Variants in NEBL observed in about 807,000 individuals in gnomAD.
NEBL encodes nebulette, also known as LIM and SH3 protein 2.
NEBL carries 122 observed loss-of-function variants against 140.2 expected under a neutral mutation model. That is an observed-to-expected ratio of 0.87 (90% CI 0.75 to 1.01). The LOEUF is 1.01. NEBL is among the 50% of genes least tolerant of loss of function. The pLI is 0.00. For synonymous variants in NEBL, 436 were observed against 398.9 expected (o/e 1.09, Z -1.11); for missense variants, 1,365 against 1,231.3 (o/e 1.11, Z -1.62).
chr10:21,051,549 G>A (rs1834780437), intron 2 of NEBL, among the ~76,000 whole-genome samples: 1 of 152,110 alleles, frequency 6.6e-6, no homozygotes, highest in African/African-American at 2.4e-5. Flanking sequence ...GTGTGACACT[G>A]CAAGTAATCA....
chr10:21,140,045 C>T (rs577252109), intron 2 of NEBL, among the ~76,000 whole-genome samples: 2 of 151,680 alleles, frequency 1.3e-5, no homozygotes, highest in African/African-American at 4.8e-5. Context: ...CCTGTAATCC[C>T]AGCTACTCTG....
At chr10:20,902,132 G>A (rs770761913), upstream of NEBL, among the ~76,000 whole-genome samples, 43 of 152,194 alleles carry the variant, frequency 2.8e-4, no homozygotes, top group Non-Finnish European at 4.1e-4. Context: ...GGCCGGGCGC[G>A]GTGGCTCACG....
chr10:21,271,941 C>T (rs1358016968), intron 1 of NEBL, among the ~76,000 whole-genome samples: 2 of 151,986 alleles, frequency 1.3e-5, no homozygotes, highest in Middle Eastern at 3.4e-3. Context: ...CAAAACATCA[C>T]ATTGTACATC....
intron 2 of NEBL, among the ~76,000 whole-genome samples, chr10:21,167,669 T>C (rs1840839483): frequency 6.6e-6 from 1 of 152,208 alleles, no homozygotes; most frequent in South Asian, 2.1e-4. Flanking sequence ...AATTAAATAA[T>C]TTATTTGACA....
chr10:21,003,650 C>T lies in NEBL; in HGVS notation c.249+16467G>A, dbSNP rs148444501. ...CGTCATGAGTTTCTTGAATCGACTT[C>T]GGTTGTACACATCCTGCTGTGAAGC... is the stretch of plus-strand genomic sequence containing the variant. On this transcript the variant is annotated intron_variant, in intron 3 of 6. Coordinates refer to the NEBL transcript ENST00000417816. Among the ~76,000 whole-genome samples, 24 of 152,218 alleles carry T rather than the reference C, an allele frequency of 1.6e-4. No individual in the cohort carries two copies. In the East Asian group the frequency reaches 2.9e-3, roughly 18 times the overall value.
At chr10:21,271,373 C>G (rs10828228) in intron 1 of NEBL, among the ~76,000 whole-genome samples, 45,527 of 151,942 alleles carry the variant, frequency 0.3, 7,362 homozygotes, top group African/African-American at 0.4. Flanking sequence ...TGGTTGCTAG[C>G]GGCTGGAGGG....
intron 4 of NEBL, among the ~76,000 whole-genome samples, chr10:20,936,750 G>C (rs372810152): frequency 6.6e-6 from 1 of 152,102 alleles, no homozygotes; most frequent in Non-Finnish European, 1.5e-5. Flanking sequence ...TTTAATTTCT[G>C]CCTGTTCTAA....
Position 20,826,462 on chromosome 10 carries a change from C to T in NEBL, c.1854G>A (p.Gln618=), listed in dbSNP as rs1261050040. ...SPEIERVKKN[Q]QNISSVKYKE... Reference sequence around the variant, plus strand: ...GAGAACTTACTGAACTAATATTCTGCTGATTTTTCTTCACTCGTTCGATCT... The same window carrying T: ...GAGAACTTACTGAACTAATATTCTGTTGATTTTTCTTCACTCGTTCGATCT... The change falls in exon 18 of 28, where the codon CAG becomes CAA. Residue 618 remains glutamine (Q), a synonymous_variant. Coordinates refer to ENST00000377122, the MANE Select transcript of NEBL (RefSeq NM_006393.3). 6.2e-7 allele frequency: 1 copy of T among 1,611,500 alleles called. No homozygotes were observed. Among genetic ancestry groups the T allele is most frequent in the Admixed American group, 1.7e-5 (1 of 59,984 alleles).
intron 4 of NEBL, among the ~76,000 whole-genome samples, chr10:20,912,945 A>G (rs959069725): frequency 5.6e-5 from 8 of 142,242 alleles, no homozygotes; most frequent in African/African-American, 2.1e-4. Context: ...GGTTTTTGGT[A>G]GACACAGGGT....
intron 16 of NEBL, 96 bp from the exon 17 acceptor site, chr10:20,828,730 G>A (rs1840122699): frequency 1.3e-5 from 11 of 815,632 alleles, no homozygotes; most frequent in Non-Finnish European, 4.1e-6. Context: ...GGGAGAGAGA[G>A]AGAGTAAAAA....
intron 4 of NEBL, among the ~76,000 whole-genome samples, chr10:20,887,488 G>C (rs934808649): frequency 7.7e-6 from 1 of 129,998 alleles, no homozygotes; most frequent in Non-Finnish European, 1.5e-5. Context: ...GCATGATCTT[G>C]GTTCGCTGCA....
chr10:21,110,055 G>T (rs138895473), intron 2 of NEBL, among the ~76,000 whole-genome samples: 106 of 152,128 alleles, frequency 7.0e-4, no homozygotes, highest in Non-Finnish European at 1.3e-3. Flanking sequence ...GCTTTTGAAT[G>T]TGTCTGCTCC....
At chr10:20,986,977 AGTCCTATTTTAGCAATT>A (rs1326916906) in intron 3 of NEBL, among the ~76,000 whole-genome samples, 8 of 152,192 alleles carry the variant, frequency 5.3e-5, no homozygotes, top group Non-Finnish European at 7.3e-5. Context: ...CTATCTTTGG[AGTCCTATTTTAGCAATT>A]GTAAAGCATC....
At chr10:20,996,478 G>A (rs999344438) in intron 3 of NEBL, among the ~76,000 whole-genome samples, 1 of 152,168 alleles carries the variant, frequency 6.6e-6, no homozygotes, top group Non-Finnish European at 1.5e-5. Flanking sequence ...CTACTGGATC[G>A]ATGCCTTATC....
At position 20,896,938 on chromosome 10, in the gene NEBL, A is replaced by C. The variant is rs762510012; in HGVS notation, c.153+20T>G. 5 of 1,610,944 alleles carry C rather than the reference A, an allele frequency of 3.1e-6. No homozygotes were observed. The highest frequency in any genetic ancestry group is 4.5e-5 in the East Asian group (2 of 44,838). Reference sequence around the variant, plus strand: ...ACAGGTGCAATGCAAAATAAGACAAAAATTACTCCAGCCACTTACATCGCT... The same window carrying C: ...ACAGGTGCAATGCAAAATAAGACAACAATTACTCCAGCCACTTACATCGCT... On this transcript the variant is annotated intron_variant, in intron 2 of 27. Transcript: ENST00000377122.
intron 11 of NEBL, among the ~76,000 whole-genome samples, chr10:20,846,435 G>A (rs753585186): frequency 6.6e-6 from 1 of 152,154 alleles, no homozygotes; most frequent in African/African-American, 2.4e-5. Flanking sequence ...GAAGCATGCT[G>A]TCTCCTCACT....
At chr10:21,086,540 G>A (rs978740346) in intron 2 of NEBL, among the ~76,000 whole-genome samples, 47 of 152,344 alleles carry the variant, frequency 3.1e-4, no homozygotes, top group African/African-American at 1.1e-3. Flanking sequence ...CACTTTGGGA[G>A]GCCAAGGCAG....
intron 4 of NEBL, among the ~76,000 whole-genome samples, chr10:20,941,922 C>A (rs1834890476): frequency 6.6e-6 from 1 of 151,960 alleles, no homozygotes; most frequent in South Asian, 2.1e-4. Context: ...CAAACCACTG[C>A]TCAATGAAAT....
At chr10:20,824,382 G>C (rs896021526) in intron 18 of NEBL, among the ~76,000 whole-genome samples, 2 of 152,154 alleles carry the variant, frequency 1.3e-5, no homozygotes, top group Non-Finnish European at 2.9e-5. Flanking sequence ...CTTAGTATCT[G>C]TGGATTTCAT....
Sources: gnomAD v4.1 joint callset for allele counts (sites outside exome capture counted in the v4.1 genomes callset) on GRCh38, gnomAD v4.1.1 for gene constraint, MANE v1.5 for transcripts, NCBI Gene and HGNC (gene_info 2026-07-23, HGNC 2026-07-21) for gene names.